FBLIM1: variants seen among roughly 807,000 people sequenced by gnomAD.
FBLIM1 encodes filamin binding LIM protein 1.
A neutral mutation model predicts 37.4 loss-of-function variants in FBLIM1; 29 were observed. The observed-to-expected ratio is 0.77, with a 90% CI of 0.58 to 1.06. The LOEUF is 1.06. Ranked by LOEUF, FBLIM1 falls within the 50% of genes least tolerant of loss-of-function variation. The pLI is 0.00. For synonymous variants in FBLIM1, 193 were observed against 199.0 expected, an observed-to-expected ratio of 0.97 and a Z score of 0.25; for missense variants, 449 against 505.6, an observed-to-expected ratio of 0.89 and a Z score of 1.07.
intron 6 of FBLIM1, among the ~76,000 whole-genome samples, chr1:15,773,253 C>T (rs543714348): frequency 1.7e-4 from 26 of 151,034 alleles, no homozygotes; most frequent in African/African-American, 5.6e-4. Flanking sequence ...AGGCATGGTG[C>T]GTGCCTGTAA....
chr1:15,768,056 G>A (rs1157354286), intron 4 of FBLIM1, among the ~76,000 whole-genome samples: 1 of 152,034 alleles, frequency 6.6e-6, no homozygotes, highest in East Asian at 1.9e-4. Flanking sequence ...CTAATTTATT[G>A]TGCTTTTATA....
intron 6 of FBLIM1, among the ~76,000 whole-genome samples, chr1:15,773,084 C>A (rs1487751467): frequency 6.6e-6 from 1 of 152,042 alleles, no homozygotes; most frequent in Non-Finnish European, 1.5e-5. Flanking sequence ...CCTTGCCTGG[C>A]GCATTTCTTC....
At chr1:15,763,075 T>TC (rs2068750273) in intron 1 of FBLIM1, among the ~76,000 whole-genome samples, 2 of 109,008 alleles carry the variant, frequency 1.8e-5, no homozygotes, top group African/African-American at 6.6e-5. Context: ...CTTTTTTTCT[T>TC]TTTTTTTTTT....
At position 15,774,167 on chromosome 1, in the gene FBLIM1, C is replaced by T. The variant is rs547585171; in HGVS notation, c.712-451C>T. Among the ~76,000 whole-genome samples the T allele has an allele frequency of 2.0e-5, 3 of 152,224 alleles. No homozygotes were observed. The South Asian group carries it at 6.2e-4, about 32-fold the overall frequency. Reference sequence around the variant, plus strand: ...CAAGAACCAAATAACAACAAAAAAGCCCTATAATGGTTTCTAAACGTGAAA... The same window carrying T: ...CAAGAACCAAATAACAACAAAAAAGTCCTATAATGGTTTCTAAACGTGAAA... On this transcript the variant is annotated intron_variant, in intron 6 of 8. Transcript: ENST00000375766.
chr1:15,769,699 C>T (rs1000864242), intron 5 of FBLIM1, among the ~76,000 whole-genome samples: 5 of 151,728 alleles, frequency 3.3e-5, no homozygotes, highest in African/African-American at 9.7e-5. Flanking sequence ...TGCAGTGGCG[C>T]GATCTTGGCT....
At chr1:15,762,133 G>A (rs572813525) in intron 1 of FBLIM1, among the ~76,000 whole-genome samples, 6 of 150,200 alleles carry the variant, frequency 4.0e-5, no homozygotes, top group South Asian at 4.2e-4. Context: ...CTGTCACCTC[G>A]GCTGGAGTGC....
At chr1:15,783,569 C>CTTTTTTT (rs58141962) in intron 8 of FBLIM1, among the ~76,000 whole-genome samples, 38 of 81,264 alleles carry the variant, frequency 4.7e-4, no homozygotes, top group Non-Finnish European at 6.0e-4. Flanking sequence ...AACTTACGTT[C>CTTTTTTT]TTTTTTTTTT....
intron 7 of FBLIM1, among the ~76,000 whole-genome samples, chr1:15,776,698 C>T (rs1454783619): frequency 1.3e-5 from 2 of 151,448 alleles, no homozygotes; most frequent in African/African-American, 4.9e-5. Flanking sequence ...CCCGTCTCTA[C>T]TAAAAATGCA....
At chr1:15,778,007 A>G (rs1422344091) in intron 8 of FBLIM1, among the ~76,000 whole-genome samples, 1 of 152,176 alleles carries the variant, frequency 6.6e-6, no homozygotes, top group Non-Finnish European at 1.5e-5. Context: ...CCCAGCTTAG[A>G]AACCCTAGGG....
chr1:15,775,111 T>A, intron 7 of FBLIM1: 1 of 467,518 alleles, frequency 2.1e-6, no homozygotes, highest in South Asian at 2.8e-5. Context: ...TCCCAGCTAC[T>A]CGGGAGGCTG....
intron 6 of FBLIM1, among the ~76,000 whole-genome samples, chr1:15,771,016 T>A (rs7513439): frequency 0.6 from 91,597 of 151,400 alleles, 29,455 homozygotes; most frequent in East Asian, 0.81. Context: ...GTCAGCTCAC[T>A]GCAACCTCGG....
chr1:15,767,636 G>A (rs1310226268), intron 4 of FBLIM1, 73 bp downstream of exon 4: 1 of 547,520 alleles, frequency 1.8e-6, no homozygotes, highest in Non-Finnish European at 3.2e-6. Flanking sequence ...TGGGCCTTCT[G>A]GGCATTCAGG....
At chr1:15,771,718 A>T (rs2069223822) in intron 6 of FBLIM1, among the ~76,000 whole-genome samples, 1 of 151,764 alleles carries the variant, frequency 6.6e-6, no homozygotes, top group Non-Finnish European at 1.5e-5. Flanking sequence ...CCATCTTAAG[A>T]TCCTTAGCTC....
rs566133656 is a variant in FBLIM1, at chr1:15,764,111, G to A, written c.-210-385G>A. 7.5e-4 allele frequency among the ~76,000 whole-genome samples: 114 copies of A among 152,182 alleles called. 2 individuals carry two copies. The South Asian group carries it at 8.1e-3, about 11-fold the overall frequency. ...AGATTGGGTGGAGTGAGAGAGTCTG[G>A]CACTAGAAAGCAAGCAAGGAGGGTG... On this transcript the variant is annotated intron_variant, in intron 1 of 8. Transcript: ENST00000375766.
intron 6 of FBLIM1, among the ~76,000 whole-genome samples, chr1:15,772,672 A>T (rs2148591529): frequency 6.6e-6 from 1 of 152,270 alleles, no homozygotes; most frequent in African/African-American, 2.4e-5. Context: ...CATGTATACC[A>T]GCCAGGCGCG....
intron 1 of FBLIM1, among the ~76,000 whole-genome samples, chr1:15,759,775 C>A (rs556145691): frequency 1.3e-5 from 2 of 152,336 alleles, no homozygotes; most frequent in Non-Finnish European, 2.9e-5. Context: ...CGCGTGTGAA[C>A]CCAGCTCTCT....
chr1:15,763,495 G>T (rs1411576532), intron 1 of FBLIM1, among the ~76,000 whole-genome samples: 1 of 150,898 alleles, frequency 6.6e-6, no homozygotes, highest in African/African-American at 2.4e-5. Flanking sequence ...AATTAGCCGG[G>T]CGTGGTGGCG....
chr1:15,759,664 T>C (rs1309427134), intron 1 of FBLIM1, among the ~76,000 whole-genome samples: 3 of 152,092 alleles, frequency 2.0e-5, no homozygotes, highest in East Asian at 3.9e-4. Context: ...ATATATCCTC[T>C]CAGCCGCCCT....
At chr1:15,769,472 G>A (rs929176805) in intron 5 of FBLIM1, among the ~76,000 whole-genome samples, 22 of 150,300 alleles carry the variant, frequency 1.5e-4, no homozygotes, top group African/African-American at 3.7e-4. Flanking sequence ...GTGAGCTTCC[G>A]TCTCAAAAAA....
Sources: allele counts gnomAD v4.1 joint callset (sites outside exome capture counted in the v4.1 genomes callset), GRCh38; gene constraint gnomAD v4.1.1; transcripts MANE v1.5; gene names NCBI Gene and HGNC (gene_info 2026-07-23, HGNC 2026-07-21).